The following OBI1 variants were observed in gnomAD, a reference collection of about 807,000 sequenced individuals.
OBI1 encodes ORC ubiquitin ligase 1.
OBI1 carries 59 observed loss-of-function variants against 62.4 expected under a neutral mutation model. The observed-to-expected ratio is 0.95, with a 90% CI of 0.77 to 1.17. OBI1 has a LOEUF of 1.17. Among genes scored for constraint, OBI1 ranks in the 50% most tolerant of loss-of-function variants. OBI1 has a pLI of 0.00. For missense variants in OBI1, 875 were observed against 830.9 expected (o/e 1.05, Z -0.65); for synonymous variants, 302 against 292.8 (o/e 1.03, Z -0.32).
chr13:78,644,024 A>T (rs1876305141), intron 2 of OBI1, among the ~76,000 whole-genome samples: 1 of 152,162 alleles, frequency 6.6e-6, no homozygotes, highest in South Asian at 2.1e-4. Flanking sequence ...CTCCTTTTCA[A>T]GGATCCTCTA....
chr13:78,614,538 C>T lies in OBI1; in HGVS notation c.*1042G>A, dbSNP rs1044384. 0.019 allele frequency: 2,855 copies of T among 152,732 alleles called. 43 individuals are homozygous for T. Among genetic ancestry groups the T allele is most frequent in the Non-Finnish European group, 0.029 (1,943 of 68,024 alleles). 9.5% of individuals were successfully genotyped at this position (152,732 alleles called of 1,614,324 possible). A position where few individuals can be genotyped will look rare whatever the true frequency, so the allele number is the denominator to read the frequency against. ...CTCTTCACAGAAAAGTTTTGTCCTA[C>T]ATAAAAGATATTCTATCAGCCAACT... On this transcript the variant is annotated 3_prime_UTR_variant, in exon 6 of 6. Coordinates refer to ENST00000282003, the MANE Select transcript of OBI1 (RefSeq NM_024546.4).
At chr13:78,649,364 CAA>C (rs1028370328) in intron 1 of OBI1, among the ~76,000 whole-genome samples, 2 of 152,144 alleles carry the variant, frequency 1.3e-5, no homozygotes, top group Non-Finnish European at 2.9e-5. Context: ...GAAAGTTTTT[CAA>C]GAGAGAGGCA....
At chr13:78,651,958 T>TA (rs1173370586) in intron 1 of OBI1, among the ~76,000 whole-genome samples, 9 of 152,122 alleles carry the variant, frequency 5.9e-5, no homozygotes, top group Non-Finnish European at 1.3e-4. Context: ...TGTCAAACTG[T>TA]AAAAAAGCAA....
intron 2 of OBI1, 111 bp downstream of exon 2, chr13:78,644,751 G>A: frequency 8.4e-7 from 1 of 1,197,500 alleles, no homozygotes; most frequent in Non-Finnish European, 1.2e-6. Flanking sequence ...TCAGTATTAT[G>A]TTGGCCAAAT....
intron 5 of OBI1, among the ~76,000 whole-genome samples, chr13:78,628,970 C>T (rs2765069): frequency 0.034 from 5,198 of 151,948 alleles, 261 homozygotes; most frequent in African/African-American, 0.12. Context: ...TTATTAAAGC[C>T]CTAAGCTAAC....
chr13:78,656,865 T>A (rs1490481532), intron 1 of OBI1, among the ~76,000 whole-genome samples: 8 of 143,470 alleles, frequency 5.6e-5, no homozygotes, highest in Non-Finnish European at 1.2e-4. Context: ...TGGCGCGATC[T>A]CAGCTCACTA....
intron 5 of OBI1, among the ~76,000 whole-genome samples, chr13:78,633,099 T>C (rs948381223): frequency 6.6e-6 from 1 of 152,138 alleles, no homozygotes; most frequent in African/African-American, 2.4e-5. Flanking sequence ...CAAAATAGCT[T>C]TCGTTCCATT....
At chr13:78,633,305 T>C (rs939710053) in intron 5 of OBI1, among the ~76,000 whole-genome samples, 4 of 152,164 alleles carry the variant, frequency 2.6e-5, no homozygotes, top group Non-Finnish European at 5.9e-5. Flanking sequence ...GGGAAGAAAC[T>C]ATTTAAACGT....
At chr13:78,642,738 T>C (rs1390081460) in intron 2 of OBI1, among the ~76,000 whole-genome samples, 1 of 152,040 alleles carries the variant, frequency 6.6e-6, no homozygotes, top group Non-Finnish European at 1.5e-5. Context: ...ACAAACAAAA[T>C]TAGCCGGGCG....
chr13:78,640,764 G>A (rs1876189252), intron 3 of OBI1, among the ~76,000 whole-genome samples: 1 of 152,170 alleles, frequency 6.6e-6, no homozygotes, highest in South Asian at 2.1e-4. Context: ...CATGCCATCT[G>A]CACTCCAGCC....
chr13:78,634,234 T>A (rs1202074866), intron 5 of OBI1, among the ~76,000 whole-genome samples: 2 of 152,108 alleles, frequency 1.3e-5, no homozygotes, highest in African/African-American at 4.8e-5. Flanking sequence ...GATAGGCTTT[T>A]TTTTAGTGTA....
At chr13:78,623,266 C>T (rs1160772088) in intron 5 of OBI1, among the ~76,000 whole-genome samples, 1 of 102,860 alleles carries the variant, frequency 9.7e-6, no homozygotes, top group Non-Finnish European at 1.8e-5. Flanking sequence ...TGAAAGAGAA[C>T]ATTTAAAAAA....
At chr13:78,641,766 T>G (rs2137456993) in intron 3 of OBI1, among the ~76,000 whole-genome samples, 1 of 151,820 alleles carries the variant, frequency 6.6e-6, no homozygotes, top group South Asian at 2.1e-4. Context: ...GGAGATTTCC[T>G]TTTTCTCCCA....
chr13:78,644,523 A>C (rs1837933551), intron 2 of OBI1, among the ~76,000 whole-genome samples: 1 of 148,746 alleles, frequency 6.7e-6, no homozygotes, highest in African/African-American at 2.5e-5. Flanking sequence ...CTTAAAGGCC[A>C]CCTACTTTAT....
chr13:78,654,740 C>G (rs1876645402), intron 1 of OBI1, among the ~76,000 whole-genome samples: 2 of 152,196 alleles, frequency 1.3e-5, no homozygotes, highest in Non-Finnish European at 2.9e-5. Flanking sequence ...TATAAGGAAG[C>G]TGATTTCATT....
intron 5 of OBI1, among the ~76,000 whole-genome samples, chr13:78,633,793 C>T (rs887944233): frequency 4.6e-5 from 7 of 152,104 alleles, no homozygotes; most frequent in Non-Finnish European, 7.3e-5. Flanking sequence ...CATGGCCGGG[C>T]GTGGTGGCTC....
intron 3 of OBI1, among the ~76,000 whole-genome samples, chr13:78,639,319 A>T (rs1394302520): frequency 6.6e-6 from 1 of 152,202 alleles, no homozygotes; most frequent in South Asian, 2.1e-4. Context: ...TGTGATTTTT[A>T]AAAATGCCAA....
In OBI1 at chr13:78,631,159, G is replaced by A. The variant is rs546390311; in HGVS notation, c.638+3951C>T. Among the ~76,000 whole-genome samples the A allele has an allele frequency of 3.3e-5, 5 of 152,194 alleles. No individual in the cohort carries two copies. The South Asian group carries it at 1.0e-3, about 32-fold the overall frequency. Reference sequence around the variant, plus strand: ...ATGTTTCCTCAGTCATAGGAGTTATGCTTTTTTCATTCATTTACTCAATAG... The same window carrying A: ...ATGTTTCCTCAGTCATAGGAGTTATACTTTTTTCATTCATTTACTCAATAG... On this transcript the variant is annotated intron_variant, in intron 5 of 5. Transcript: ENST00000282003.
At chr13:78,630,763 G>A (rs752894675) in intron 5 of OBI1, among the ~76,000 whole-genome samples, 36 of 152,118 alleles carry the variant, frequency 2.4e-4, no homozygotes, top group Non-Finnish European at 4.1e-4. Context: ...GGACTTCTAA[G>A]CCTCCAGAAC....
Sources: gnomAD v4.1 joint callset for allele counts (sites outside exome capture counted in the v4.1 genomes callset) on GRCh38, gnomAD v4.1.1 for gene constraint, MANE v1.5 for transcripts, NCBI Gene and HGNC (gene_info 2026-07-23, HGNC 2026-07-21) for gene names.